CCDC88A: variants seen among roughly 807,000 people sequenced by gnomAD.
CCDC88A encodes the protein coiled-coil and HOOK domain protein 88A.
CCDC88A carries 54 observed loss-of-function variants against 234.3 expected under a neutral mutation model. The ratio of observed to expected loss-of-function variants is 0.23; its 90% CI spans 0.19 to 0.29. The LOEUF is 0.29. CCDC88A is among the 10% of genes least tolerant of loss of function. The pLI, the probability that CCDC88A is intolerant of heterozygous loss-of-function variation, is 1.00. For synonymous variants in CCDC88A, 753 were observed against 737.8 expected (o/e 1.02, Z -0.33); for missense variants, 1,832 against 2,123.4 (o/e 0.86, Z 2.70).
intron 28 of CCDC88A, 171 bp from the exon 29 acceptor site, chr2:55,300,090 G>A: frequency 1.8e-6 from 1 of 564,612 alleles, no homozygotes; most frequent in South Asian, 2.1e-5. Context: ...AGACACTTTA[G>A]AATAGGACAC....
chr2:55,318,651 T>A (rs776662210), intron 19 of CCDC88A, among the ~76,000 whole-genome samples, 192 bp downstream of exon 19: 4 of 152,182 alleles, frequency 2.6e-5, no homozygotes, highest in Non-Finnish European at 5.9e-5. Context: ...TATTCAGATG[T>A]ATTGACTGAA....
At chr2:55,294,698 A>G in intron 31 of CCDC88A, 1 of 991,784 alleles carries the variant, frequency 1.0e-6, no homozygotes, top group Non-Finnish European at 1.2e-6. Flanking sequence ...CAGAAGCAAC[A>G]AAGCAAATAT....
intron 2 of CCDC88A, among the ~76,000 whole-genome samples, chr2:55,389,556 TTCCCTTTCTAC>T (rs1302496097): frequency 6.6e-6 from 1 of 152,174 alleles, no homozygotes; most frequent in Non-Finnish European, 1.5e-5. Flanking sequence ...CTTTAATCTG[TTCCCTTTCTAC>T]ACAGTCCATT....
chr2:55,410,066 C>T (rs940713574), intron 2 of CCDC88A, among the ~76,000 whole-genome samples: 77 of 152,210 alleles, frequency 5.1e-4, no homozygotes, highest in African/African-American at 1.8e-3. Flanking sequence ...AAATGACACT[C>T]CAGGTGCCCA....
At chr2:55,366,310 G>C (rs1671937862) in intron 5 of CCDC88A, among the ~76,000 whole-genome samples, 1 of 152,144 alleles carries the variant, frequency 6.6e-6, no homozygotes, top group Non-Finnish European at 1.5e-5. Flanking sequence ...TGGATCACCT[G>C]AGGTCAGGAG....
Position 55,390,053 on chromosome 2 carries a change from A to AAAAAAAAAAAAAG in CCDC88A, c.165-1168_165-1167insCTTTTTTTTTTTT, listed in dbSNP as rs377022377. Among the ~76,000 whole-genome samples, 48 of 79,774 alleles carry AAAAAAAAAAAAAG rather than the reference A, an allele frequency of 6.0e-4. 4 individuals carry two copies. The highest frequency in any genetic ancestry group is 1.5e-3 in the Admixed American group (8 of 5,454). 52.3% of individuals were successfully genotyped at this position (79,774 alleles called of 152,430 possible). A position where few individuals can be genotyped will look rare whatever the true frequency, so the allele number is the denominator to read the frequency against. ...GAGACTCAAAAAAAAAAAAAAATAA[A>AAAAAAAAAAAAAG]AAATAAAGATAGAACATTTCAAAGT... is the stretch of plus-strand genomic sequence containing the variant. On this transcript the variant is annotated intron_variant, in intron 2 of 32. Transcript: ENST00000436346.
chr2:55,314,355 A>G (rs992493828), intron 22 of CCDC88A: 1 of 152,244 alleles, frequency 6.6e-6, no homozygotes, highest in Non-Finnish European at 1.5e-5. Context: ...AAAGAGCATT[A>G]TCAGTGTCAA....
rs183491198 is a variant in CCDC88A, at chr2:55,406,984, G to A, written c.164+11832C>T. ...CCCCAGGACTCTGGGAGACCAAGGCGGGAGGACTGCTTGAGCCCAGGAGTT... is the reference window on the plus strand; with the variant it reads ...CCCCAGGACTCTGGGAGACCAAGGCAGGAGGACTGCTTGAGCCCAGGAGTT... On this transcript the variant is annotated intron_variant, in intron 2 of 32. Coordinates refer to ENST00000436346, the MANE Select transcript of CCDC88A (RefSeq NM_001365480.1). Among the ~76,000 whole-genome samples the A allele has an allele frequency of 2.5e-3, 377 of 152,252 alleles. 1 individual carries two copies. The highest frequency in any genetic ancestry group is 3.0e-3 in the Non-Finnish European group (204 of 68,020).
At chr2:55,360,709 C>CAA (rs1194995039) in intron 7 of CCDC88A, among the ~76,000 whole-genome samples, 3 of 152,216 alleles carry the variant, frequency 2.0e-5, no homozygotes, top group African/African-American at 7.2e-5. Context: ...CCATATTAAT[C>CAA]AATTCACTTA....
At chr2:55,295,299 G>A (rs1473288728) in intron 31 of CCDC88A, 2 of 1,432,766 alleles carry the variant, frequency 1.4e-6, no homozygotes, top group Non-Finnish European at 1.9e-6. Flanking sequence ...TGGCCTAGGA[G>A]GTAACCCACT....
chr2:55,362,022 T>C (rs940809161), intron 7 of CCDC88A: 10 of 234,820 alleles, frequency 4.3e-5, no homozygotes, highest in African/African-American at 2.0e-4. Flanking sequence ...TTTCACACTT[T>C]TGTATTGTTG....
chr2:55,350,630 ATAT>A (rs1352622017), intron 8 of CCDC88A: 3 of 148,748 alleles, frequency 2.0e-5, no homozygotes, highest in Non-Finnish European at 4.5e-5. Flanking sequence ...TATAATGTGT[ATAT>A]TATTTAAAAT....
chr2:55,298,851 G>A (rs1680515443), intron 29 of CCDC88A, among the ~76,000 whole-genome samples: 1 of 146,574 alleles, frequency 6.8e-6, no homozygotes, highest in South Asian at 2.2e-4. Flanking sequence ...CTCAGCCTGG[G>A]TGACACAGCG....
intron 25 of CCDC88A, among the ~76,000 whole-genome samples, chr2:55,303,609 AACCTCAGGTGATCCGCCC>A (rs1432037865): frequency 1.3e-5 from 2 of 152,002 alleles, no homozygotes; most frequent in African/African-American, 4.8e-5. Flanking sequence ...TCGCACTCCC[AACCTCAGGTGATCCGCCC>A]ACCTCAGCCT....
At chr2:55,406,533 C>A (rs748483627) in intron 2 of CCDC88A, among the ~76,000 whole-genome samples, 1 of 152,062 alleles carries the variant, frequency 6.6e-6, no homozygotes, top group Non-Finnish European at 1.5e-5. Flanking sequence ...GCAGGCTGAT[C>A]ACTTGAGGTG....
At chr2:55,307,414 C>T (rs1486054454) in intron 25 of CCDC88A, among the ~76,000 whole-genome samples, 2 of 145,300 alleles carry the variant, frequency 1.4e-5, no homozygotes, top group Non-Finnish European at 3.0e-5. Context: ...GGCTGGAGTG[C>T]AATGGTGCAA....
chr2:55,299,993 T>G, intron 28 of CCDC88A, 74 bp from the exon 29 acceptor site: 2 of 1,010,906 alleles, frequency 2.0e-6, no homozygotes, highest in Non-Finnish European at 3.1e-6. Context: ...ACATTCTGAT[T>G]ACAGAATGCT....
rs1329205312 is a variant in CCDC88A at position 55,332,879 on chromosome 2, CT to C, written c.2728-187del. On this transcript the variant is annotated intron_variant, in intron 15 of 32. Transcript: ENST00000436346. The surrounding 1 kb of genome is among the most constrained non-coding windows in gnomAD (Gnocchi z 4.5). ...TAACCTAGTTGAAATAACTTTTTTC[CT>C]TTTTTTTGCTAATACTTTAAACAAA... Among the ~76,000 whole-genome samples the C allele has an allele frequency of 6.6e-6, 1 of 151,746 alleles. No individual in the cohort carries two copies. The highest frequency in any genetic ancestry group is 1.5e-5 in the Non-Finnish European group (1 of 67,928).
In CCDC88A at chr2:55,295,533, G is replaced by C. The variant is rs753681002; in HGVS notation, c.5551+64C>G. On this transcript the variant is annotated intron_variant, in intron 31 of 32. Coordinates refer to ENST00000436346, the MANE Select transcript of CCDC88A (RefSeq NM_001365480.1). ...TATAGCTAAATCATTTTGGGCACAAGAACCTATAGTATGTGTTGGGATGTC... is the reference window on the plus strand; with the variant it reads ...TATAGCTAAATCATTTTGGGCACAACAACCTATAGTATGTGTTGGGATGTC... The C allele has an allele frequency of 9.9e-6, 16 of 1,613,600 alleles. No homozygotes were observed. The South Asian group carries it at 1.7e-4, about 17-fold the overall frequency.
Sources: gnomAD v4.1 joint callset for allele counts (sites outside exome capture counted in the v4.1 genomes callset) on GRCh38, gnomAD v4.1.1 for gene constraint, Gnocchi (gnomAD v3.1) non-coding constraint, MANE v1.5 for transcripts, NCBI Gene and HGNC (gene_info 2026-07-23, HGNC 2026-07-21) for gene names.